The following EVC variants were observed in gnomAD, a reference collection of about 807,000 sequenced individuals.
EVC encodes the protein EvC ciliary complex subunit 1.
In EVC, 116 loss-of-function variants were observed where a neutral mutation model predicts 118.9. The ratio of observed to expected loss-of-function variants is 0.98; its 90% CI spans 0.84 to 1.14. The LOEUF (loss-of-function observed/expected upper bound fraction) is 1.14. Among genes scored for constraint, EVC ranks in the 50% most tolerant of loss-of-function variants. EVC has a pLI of 0.00. For synonymous variants in EVC, 619 were observed against 534.7 expected (o/e 1.16, Z -2.18); for missense variants, 1,401 against 1,246.4 (o/e 1.12, Z -1.87).
intron 2 of EVC, among the ~76,000 whole-genome samples, chr4:5,727,363 A>C (rs1043755674): frequency 6.6e-6 from 1 of 152,300 alleles, no homozygotes; most frequent in South Asian, 2.1e-4. Context: ...GGCTGCATCA[A>C]TGTCTTCTTT....
rs11737221 is a variant in EVC at position 5,793,685 on chromosome 4, C to A, written c.1854C>A (p.Gly618=). 8.3e-5 allele frequency: 128 copies of A among 1,550,984 alleles called. No homozygotes were observed. The highest frequency in any genetic ancestry group is 1.2e-4 in the Admixed American group (6 of 51,120). The stretch of plus-strand genomic sequence containing the variant: ...AGGACCACGAGGGCACCATCCGCGG[C>A]GTCTTGGGCCGACTGGGCGGCCTCA... ...LREDHEGTIR[G]VLGRLGGLTE... The change falls in exon 13 of 21, where the codon GGC becomes GGA. Residue 618 remains glycine, a synonymous_variant. Transcript: ENST00000264956.
At chr4:5,733,840 A>C (rs549210143) in intron 5 of EVC, among the ~76,000 whole-genome samples, 1 of 152,100 alleles carries the variant, frequency 6.6e-6, no homozygotes, top group Non-Finnish European at 1.5e-5. Context: ...TTACACTTAA[A>C]CCTCAGCACA....
chr4:5,795,223 A>G (rs1257641247), intron 13 of EVC, among the ~76,000 whole-genome samples: 1 of 152,134 alleles, frequency 6.6e-6, no homozygotes, highest in Non-Finnish European at 1.5e-5. Context: ...GGTAGAATTT[A>G]TTTTCAATTT....
intron 17 of EVC, 65 bp from the exon 18 acceptor site, chr4:5,808,136 T>TGG: frequency 3.3e-6 from 1 of 306,556 alleles, no homozygotes; most frequent in Non-Finnish European, 6.8e-6. Flanking sequence ...TCCTTCTCCC[T>TGG]CCCTCCCTCC....
At position 5,746,473 on chromosome 4, in the gene EVC, A is replaced by G. The variant is rs1364052851; in HGVS notation, c.939+1132A>G. Among the ~76,000 whole-genome samples, 1 of 152,176 alleles carries G rather than the reference A, an allele frequency of 6.6e-6. No individual in the cohort carries two copies. The highest frequency in any genetic ancestry group is 1.5e-5 in the Non-Finnish European group (1 of 68,022). On this transcript the variant is annotated intron_variant, in intron 7 of 20. Transcript: ENST00000264956. The surrounding 1 kb of genome is among the most constrained non-coding windows in gnomAD (Gnocchi z 5.8). ...GATGCTCATGGGAGGGAGGGAGCCA[A>G]TGCTCCTGTCCTCTGAATAGGTCCA... is the stretch of plus-strand genomic sequence containing the variant.
intron 2 of EVC, among the ~76,000 whole-genome samples, chr4:5,728,351 C>T (rs905572421): frequency 1.3e-5 from 2 of 151,638 alleles, no homozygotes; most frequent in Non-Finnish European, 2.9e-5. Context: ...AATGGGAGTT[C>T]ACTCATGATT....
chr4:5,788,817 G>A (rs1052716860), intron 12 of EVC, among the ~76,000 whole-genome samples: 1 of 152,138 alleles, frequency 6.6e-6, no homozygotes, highest in Non-Finnish European at 1.5e-5. Flanking sequence ...TTTAAGACAC[G>A]CTTGTCCAAC....
rs1286373552 is a variant in EVC, at chr4:5,758,002, A to G, written c.1563+1640A>G. 4.3e-6 allele frequency: 3 copies of G among 690,768 alleles called. No homozygotes were observed. The African/African-American group carries it at 5.3e-5, about 12-fold the overall frequency. The allele number at this position is 690,768 out of a possible 1,614,324, so 42.8% of individuals were successfully genotyped here. A position where few individuals can be genotyped will look rare whatever the true frequency, so the allele number is the denominator to read the frequency against. On this transcript the variant is annotated intron_variant, in intron 11 of 20. Coordinates refer to ENST00000264956, the MANE Select transcript of EVC (RefSeq NM_153717.3). ...TTGGAAATAAGGGCTTTGCAGATGT[A>G]ATTGGTTAGATCGCACAGTTGGTTA...
chr4:5,735,945 G>T (rs62298657), intron 5 of EVC, among the ~76,000 whole-genome samples: 19,941 of 152,132 alleles, frequency 0.13, 2,113 homozygotes, highest in African/African-American at 0.29. Context: ...GAGCTGTGCT[G>T]CCTGGAGACT....
chr4:5,772,156 A>T (rs1158416332), intron 11 of EVC, among the ~76,000 whole-genome samples: 1 of 152,132 alleles, frequency 6.6e-6, no homozygotes, highest in Admixed American at 6.5e-5. Flanking sequence ...TCGGCATCCC[A>T]CAGTGCTGGG....
rs552883941 is a variant in EVC at position 5,743,949 on chromosome 4, T to C, written c.802-1255T>C. On this transcript the variant is annotated intron_variant, in intron 6 of 20. Transcript: ENST00000264956. This position sits in a 1 kb window ranked among gnomAD's most constrained non-coding sequence, Gnocchi z 4.7. The stretch of plus-strand genomic sequence containing the variant: ...AATAATGAAACAATACTGTCTGTTA[T>C]AATAGAAAGAATAAGAGCCTTGGAG... Among the ~76,000 whole-genome samples the C allele has an allele frequency of 2.1e-5, 3 of 143,080 alleles. No individual in the cohort carries two copies. In the East Asian group the frequency reaches 5.9e-4, roughly 28 times the overall value. 93.9% of individuals were successfully genotyped at this position (143,080 alleles called of 152,430 possible).
intron 12 of EVC, among the ~76,000 whole-genome samples, chr4:5,787,934 A>C (rs545478153): frequency 2.6e-5 from 4 of 152,118 alleles, no homozygotes; most frequent in Non-Finnish European, 4.4e-5. Context: ...TGTTTGGCCA[A>C]GTTGGTCTCT....
At chr4:5,733,239 G>A in intron 4 of EVC, 112 bp from the exon 5 acceptor site, 1 of 851,688 alleles carries the variant, frequency 1.2e-6, no homozygotes, top group Non-Finnish European at 2.0e-6. Flanking sequence ...TGCAGAATGA[G>A]AGTTTGAGGC....
chr4:5,724,700 A>ATTT (rs36029145), intron 2 of EVC, among the ~76,000 whole-genome samples: 9 of 144,908 alleles, frequency 6.2e-5, no homozygotes, highest in African/African-American at 1.3e-4. Flanking sequence ...TTTCCCTGTT[A>ATTT]TTTTTTTTTT....
chr4:5,817,228 G>A (rs1008144143), downstream of EVC, among the ~76,000 whole-genome samples: 3 of 152,252 alleles, frequency 2.0e-5, no homozygotes, highest in Non-Finnish European at 4.4e-5. Context: ...CTGGATGGGG[G>A]AGGGCAGTGG....
chr4:5,719,404 G>T lies in EVC; in HGVS notation c.300+31G>T. The T allele has an allele frequency of 6.2e-7, 1 of 1,613,848 alleles. No homozygotes were observed. Among genetic ancestry groups the T allele is most frequent in the Admixed American group, 1.7e-5 (1 of 60,022 alleles). On this transcript the variant is annotated intron_variant, in intron 2 of 20. Transcript: ENST00000264956. The surrounding 1 kb of genome is among the most constrained non-coding windows in gnomAD (Gnocchi z 4.7). The stretch of plus-strand genomic sequence containing the variant: ...CTTGGTGTTGATGTTTGTTTGTGGA[G>T]GCACATGTGGGAGGTGGGGTATTCC...
At chr4:5,732,154 C>T (rs998547691) in intron 4 of EVC, among the ~76,000 whole-genome samples, 9 of 148,224 alleles carry the variant, frequency 6.1e-5, no homozygotes, top group African/African-American at 2.2e-4. Context: ...CACAGAGAGG[C>T]TGCGTGACTT....
intron 3 of EVC, among the ~76,000 whole-genome samples, chr4:5,730,129 C>T (rs1479243553): frequency 6.6e-6 from 1 of 152,202 alleles, no homozygotes; most frequent in Non-Finnish European, 1.5e-5. Flanking sequence ...TTCCTGACTT[C>T]TCCTGCCTCA....
At chr4:5,800,640 T>TCGGGGAAAGAGGA (rs1191951074) in intron 15 of EVC, among the ~76,000 whole-genome samples, 7 of 152,242 alleles carry the variant, frequency 4.6e-5, no homozygotes, top group African/African-American at 1.4e-4. Context: ...TTGCTGACCT[T>TCGGGGAAAGAGGA]CGGGGAAAGA....
Sources: allele counts gnomAD v4.1 joint callset (sites outside exome capture counted in the v4.1 genomes callset), GRCh38; gene constraint gnomAD v4.1.1; non-coding constraint Gnocchi (gnomAD v3.1); transcripts MANE v1.5; gene names NCBI Gene and HGNC (gene_info 2026-07-23, HGNC 2026-07-21).